The following LPIN2 variants were observed in gnomAD, a reference collection of about 807,000 sequenced individuals.
LPIN2 encodes phosphatidate phosphatase LPIN2.
A neutral mutation model predicts 111.4 loss-of-function variants in LPIN2; 55 were observed. The observed-to-expected ratio is 0.49, with a 90% CI of 0.40 to 0.62. The LOEUF is 0.62. LPIN2 is among the 20% of genes least tolerant of loss of function. The probability of loss-of-function intolerance (pLI) is 0.00; values close to 1 mark genes in which losing one functional copy is unlikely to be tolerated. For missense variants in LPIN2, 992 were observed against 1,112.1 expected, an observed-to-expected ratio of 0.89 and a Z score of 1.54; for synonymous variants, 425 against 414.0, an observed-to-expected ratio of 1.03 and a Z score of -0.32.
At chr18:2,941,857 G>A (rs2144216018) in intron 4 of LPIN2, among the ~76,000 whole-genome samples, 1 of 152,302 alleles carries the variant, frequency 6.6e-6, no homozygotes, top group South Asian at 2.1e-4. Flanking sequence ...CCAGGAGGCA[G>A]AGGTTGCAGT....
intron 3 of LPIN2, among the ~76,000 whole-genome samples, chr18:2,951,609 A>C (rs1366408523): frequency 6.6e-6 from 1 of 152,214 alleles, no homozygotes; most frequent in Non-Finnish European, 1.5e-5. Flanking sequence ...TGACATGCCA[A>C]GTCAGCATGG....
At chr18:2,933,048 G>A (rs913286840) in intron 8 of LPIN2, among the ~76,000 whole-genome samples, 2 of 152,182 alleles carry the variant, frequency 1.3e-5, no homozygotes, top group Non-Finnish European at 2.9e-5. Flanking sequence ...ATACAAAAGT[G>A]TGTGATTTAT....
At chr18:2,931,506 G>T in intron 8 of LPIN2, 63 bp from the exon 9 acceptor site, 1 of 1,495,924 alleles carries the variant, frequency 6.7e-7, no homozygotes, top group Non-Finnish European at 9.0e-7. Context: ...CTAGTTTACT[G>T]CATGGTTCTC....
chr18:2,987,461 A>G (rs888445535), intron 1 of LPIN2, among the ~76,000 whole-genome samples: 2 of 152,212 alleles, frequency 1.3e-5, no homozygotes, highest in African/African-American at 4.8e-5. Flanking sequence ...TTATCACAAA[A>G]TGTATCGGCA....
At chr18:2,938,465 A>G (rs1383776899) in intron 6 of LPIN2, among the ~76,000 whole-genome samples, 5 of 152,218 alleles carry the variant, frequency 3.3e-5, no homozygotes, top group Non-Finnish European at 1.5e-5. Flanking sequence ...TGGAGGTTGC[A>G]GTGAGCCGAG....
Position 3,007,039 on chromosome 18 carries a change from TAACAAA to T in LPIN2, c.-10+6042_-10+6047del, listed in dbSNP as rs1399423783. On this transcript the variant is annotated intron_variant, in intron 1 of 19. Transcript: ENST00000677752. ...AACAGCATTTGTTTAACATTTTAAA[TAACAAA>T]AACAAAGCTTTATCTCTCTCTCAAG... is the stretch of plus-strand genomic sequence containing the variant. Among the ~76,000 whole-genome samples, 12 of 151,476 alleles carry T rather than the reference TAACAAA, an allele frequency of 7.9e-5. No individual in the cohort carries two copies. The East Asian group carries it at 9.6e-4, about 12-fold the overall frequency.
chr18:3,004,106 T>C (rs1417294191), intron 1 of LPIN2, among the ~76,000 whole-genome samples: 1 of 152,192 alleles, frequency 6.6e-6, no homozygotes, highest in African/African-American at 2.4e-5. Flanking sequence ...TAAATTCTAG[T>C]CAGACTGGTT....
intron 16 of LPIN2, among the ~76,000 whole-genome samples, chr18:2,923,420 C>CAAAAA (rs869052239): frequency 2.3e-4 from 6 of 26,592 alleles, no homozygotes; most frequent in Non-Finnish European, 3.3e-4. Flanking sequence ...AACTCCATCT[C>CAAAAA]AAAAAAAAAA....
At position 3,006,709 on chromosome 18, in the gene LPIN2, A is replaced by C. The variant is rs571402912; in HGVS notation, c.-10+6378T>G. On this transcript the variant is annotated intron_variant, in intron 1 of 19. Coordinates refer to ENST00000677752, the MANE Select transcript of LPIN2 (RefSeq NM_001375808.2). The stretch of plus-strand genomic sequence containing the variant: ...AAAATTAGCCAGGCGTGGTGGCGGG[A>C]GCCTGTAGTCCCAGCTACTCAGGAG... Among the ~76,000 whole-genome samples the C allele has an allele frequency of 2.8e-4, 42 of 152,038 alleles. No individual in the cohort carries two copies. The South Asian group carries it at 7.5e-3, about 27-fold the overall frequency.
chr18:2,987,944 C>G (rs1285603433), intron 1 of LPIN2, among the ~76,000 whole-genome samples: 1 of 127,578 alleles, frequency 7.8e-6, no homozygotes. Flanking sequence ...GAGGCTGAGG[C>G]GGAGGTTGCA....
chr18:2,919,019 C>CT lies in LPIN2; in HGVS notation c.*1273dup. On this transcript the variant is annotated 3_prime_UTR_variant, in exon 20 of 20. Transcript: ENST00000677752. ...TTCTCTTGATGTTAAGAGTGCAGCT[C>CT]TGTCAACACTCAGCATACCAAAAGC... The CT allele has an allele frequency of 6.6e-6, 1 of 152,208 alleles. No homozygotes were observed. Among genetic ancestry groups the CT allele is most frequent in the Non-Finnish European group, 1.5e-5 (1 of 68,044 alleles). The allele number at this position is 152,208 out of a possible 1,614,324, so 9.4% of individuals were successfully genotyped here. A position where few individuals can be genotyped will look rare whatever the true frequency, so the allele number is the denominator to read the frequency against.
rs183853914 is a variant in LPIN2 at position 2,992,618 on chromosome 18, A to G, written c.-10+20469T>C. On this transcript the variant is annotated intron_variant, in intron 1 of 19. Transcript: ENST00000677752. Reference sequence around the variant, plus strand: ...GTAATCCCAACACTTTGGGAGGCCAAGGTGGGCAGATCTTGAGTTCCAGGA... The same window carrying G: ...GTAATCCCAACACTTTGGGAGGCCAGGGTGGGCAGATCTTGAGTTCCAGGA... Among the ~76,000 whole-genome samples, 362 of 152,320 alleles carry G rather than the reference A, an allele frequency of 2.4e-3. 1 individual carries two copies. The highest frequency in any genetic ancestry group is 8.3e-3 in the African/African-American group (343 of 41,568).
rs748871000 is a variant in LPIN2, at chr18:2,922,168, G to A, written c.2206C>T (p.Arg736Cys). Reference sequence around the variant, plus strand: ...GTCATGTCGGCCATGCCGATGGCACGAGCCGAGCAGTACAGAAACTTGTAG... The same window carrying A: ...GTCATGTCGGCCATGCCGATGGCACAAGCCGAGCAGTACAGAAACTTGTAG... ...NGYKFLYCSA[R>C]AIGMADMTRG... Residue 736 changes from arginine to cysteine, a missense_variant, in exon 17 of 20, where the codon CGT becomes TGT. By Grantham distance (180) the Arg-to-Cys change is radical. Transcript: ENST00000677752. 4.3e-6 allele frequency: 7 copies of A among 1,614,012 alleles called. No individual in the cohort carries two copies. The highest frequency in any genetic ancestry group is 2.2e-5 in the South Asian group (2 of 91,088).
chr18:3,009,024 T>C (rs371543342), intron 1 of LPIN2, among the ~76,000 whole-genome samples: 4 of 151,966 alleles, frequency 2.6e-5, no homozygotes, highest in Non-Finnish European at 4.4e-5. Flanking sequence ...CCCAGCACTT[T>C]AGGAGGCGAA....
chr18:2,984,575 T>G (rs1293774022), intron 1 of LPIN2, among the ~76,000 whole-genome samples: 1 of 150,168 alleles, frequency 6.7e-6, no homozygotes, highest in East Asian at 2.0e-4. Flanking sequence ...AAGAGAAACC[T>G]AAGAAGGTGA....
At chr18:2,948,749 C>T (rs932900838) in intron 4 of LPIN2, among the ~76,000 whole-genome samples, 1 of 151,920 alleles carries the variant, frequency 6.6e-6, no homozygotes, top group African/African-American at 2.4e-5. Context: ...CAAAAGAATA[C>T]GTTTCTTGCC....
chr18:2,938,150 TATCTTAGTTTGTACATG>T, intron 6 of LPIN2, 113 bp from the exon 7 acceptor site: 1 of 774,372 alleles, frequency 1.3e-6, no homozygotes, highest in Non-Finnish European at 2.2e-6. Context: ...ATTCATTAAG[TATCTTAGTTTGTACATG>T]TAAAAATTCC....
chr18:3,005,381 GAA>G (rs1038443511), intron 1 of LPIN2, among the ~76,000 whole-genome samples: 1 of 151,534 alleles, frequency 6.6e-6, no homozygotes, highest in African/African-American at 2.4e-5. Flanking sequence ...AAAAAGAAAA[GAA>G]AAGTGTCTCG....
chr18:2,981,727 A>G (rs1460810561), intron 1 of LPIN2, among the ~76,000 whole-genome samples: 10 of 152,230 alleles, frequency 6.6e-5, no homozygotes, highest in Non-Finnish European at 1.3e-4. Flanking sequence ...ACGTCTTTCC[A>G]TTAGTTCCTG....
Sources: gnomAD v4.1 joint callset for allele counts (sites outside exome capture counted in the v4.1 genomes callset) on GRCh38, gnomAD v4.1.1 for gene constraint, MANE v1.5 for transcripts, NCBI Gene and HGNC (gene_info 2026-07-23, HGNC 2026-07-21) for gene names.